WRAP73: variants seen among roughly 807,000 people sequenced by gnomAD.
WRAP73 encodes WD repeat containing, antisense to TP73.
In WRAP73, 55 loss-of-function variants were observed where a neutral mutation model predicts 59.6. That is an observed-to-expected ratio of 0.92 (90% CI 0.74 to 1.15). The LOEUF (loss-of-function observed/expected upper bound fraction) is 1.15. Ranked by LOEUF, WRAP73 falls within the 50% of genes most tolerant of loss-of-function variation. WRAP73 has a pLI of 0.00. For synonymous variants in WRAP73, 265 were observed against 258.2 expected (o/e 1.03, Z -0.25); for missense variants, 592 against 608.1 (o/e 0.97, Z 0.28).
intron 1 of WRAP73, among the ~76,000 whole-genome samples, chr1:3,649,599 G>A (rs1268280689): frequency 6.6e-6 from 1 of 150,484 alleles, no homozygotes; most frequent in Admixed American, 6.6e-5. Context: ...ACCTGCCGGG[G>A]TCCTGCACCT....
intron 4 of WRAP73, 26 bp downstream of exon 4, chr1:3,638,724 C>T (rs1385586258): frequency 6.2e-7 from 1 of 1,613,264 alleles, no homozygotes. Context: ...AAAGAAATGG[C>T]TTTTGCGTGG....
At chr1:3,647,174 T>G in intron 2 of WRAP73, 1 of 499,498 alleles carries the variant, frequency 2.0e-6, no homozygotes, top group Non-Finnish European at 3.5e-6. Context: ...TCCGCGTGGC[T>G]AGATTGCTGT....
chr1:3,638,351 A>G lies in WRAP73; in HGVS notation c.412+399T>C, dbSNP rs1644607637. On this transcript the variant is annotated intron_variant, in intron 4 of 11. Coordinates refer to ENST00000270708, the MANE Select transcript of WRAP73 (RefSeq NM_017818.4). ...GACAGGCAAGACCTCCCCCTTTCGC[A>G]GACATCATATTTAGTCCACAGAAGA... 3.3e-5 allele frequency among the ~76,000 whole-genome samples: 5 copies of G among 152,060 alleles called. No individual in the cohort carries two copies. The South Asian group carries it at 1.0e-3, about 31-fold the overall frequency.
At chr1:3,645,806 C>T (rs1278138533) in intron 3 of WRAP73, among the ~76,000 whole-genome samples, 1 of 152,142 alleles carries the variant, frequency 6.6e-6, no homozygotes, top group East Asian at 1.9e-4. Flanking sequence ...TTCCCCTCCG[C>T]GCTGAGCTCA....
Position 3,649,911 on chromosome 1 carries a change from C to T in WRAP73, c.69+20G>A. On this transcript the variant is annotated intron_variant, in intron 1 of 11. Coordinates refer to ENST00000270708, the MANE Select transcript of WRAP73 (RefSeq NM_017818.4). ...GGCACCGAGGATGTCCTGCCCGTGG[C>T]CCAGGTCCCCGCCGCTCACCAGGTA... 6.3e-7 allele frequency: 1 copy of T among 1,590,220 alleles called. No homozygotes were observed. The highest frequency in any genetic ancestry group is 1.1e-5 in the South Asian group (1 of 87,632).
intron 5 of WRAP73, chr1:3,636,513 C>T (rs920958970): frequency 6.0e-6 from 2 of 333,318 alleles, no homozygotes; most frequent in African/African-American, 4.3e-5. Context: ...CCTTCCAGAG[C>T]ACTGCCTGGA....
intron 8 of WRAP73, 97 bp downstream of exon 8, chr1:3,634,900 A>C: frequency 7.0e-7 from 1 of 1,420,902 alleles, no homozygotes; most frequent in Non-Finnish European, 9.9e-7. Flanking sequence ...TGCCCGGTTA[A>C]ATAATAAACC....
chr1:3,632,480 A>G, intron 9 of WRAP73, 142 bp from the exon 10 acceptor site: 1 of 1,374,374 alleles, frequency 7.3e-7, no homozygotes, highest in Non-Finnish European at 1.0e-6. Flanking sequence ...CAAGGGCAGG[A>G]AGAGCTAAGC....
chr1:3,635,747 G>A, intron 6 of WRAP73, 197 bp downstream of exon 6: 1 of 564,940 alleles, frequency 1.8e-6, no homozygotes, highest in Non-Finnish European at 3.1e-6. Context: ...CTTGAGTCCA[G>A]GAGGTCGAGG....
Position 3,636,986 on chromosome 1 carries a change from A to T in WRAP73, c.516+9T>A. On this transcript the variant is annotated intron_variant, in intron 5 of 11. Transcript: ENST00000270708. The stretch of plus-strand genomic sequence containing the variant: ...GGACAACTTTATTCCAGTCTGGGGG[A>T]CGCCTTACCCGCAGGAGCTGCCAAT... 1.2e-6 allele frequency: 2 copies of T among 1,613,146 alleles called. No individual in the cohort carries two copies. The highest frequency in any genetic ancestry group is 1.7e-6 in the Non-Finnish European group (2 of 1,179,638).
chr1:3,647,571 T>C lies in WRAP73; in HGVS notation c.70-11A>G. On this transcript the variant is annotated splice_polypyrimidine_tract_variant and intron_variant, in intron 1 of 11. Transcript: ENST00000270708. ...CTGGACACAGGAAGCCTAAAAAATA[T>C]GAGAAAGCAAGCACCTGACATTCTC... 4 of 1,610,022 alleles carry C rather than the reference T, an allele frequency of 2.5e-6. No homozygotes were observed. The highest frequency in any genetic ancestry group is 1.1e-5 in the South Asian group (1 of 90,700).
At chr1:3,631,914 A>T in intron 10 of WRAP73, 1 of 1,390,204 alleles carries the variant, frequency 7.2e-7, no homozygotes, top group Non-Finnish European at 9.3e-7. Flanking sequence ...CCCTTTACAA[A>T]TGGAGAAACC....
chr1:3,649,121 C>T (rs1024756323), intron 1 of WRAP73, among the ~76,000 whole-genome samples: 55 of 152,314 alleles, frequency 3.6e-4, no homozygotes, highest in African/African-American at 1.2e-3. Flanking sequence ...TCCCCCTCTT[C>T]TGAGGACATA....
intron 5 of WRAP73, 43 bp downstream of exon 5, chr1:3,636,952 C>A: frequency 6.3e-7 from 1 of 1,583,838 alleles, no homozygotes. Context: ...GATCCCTCCA[C>A]AGTCAGCAGG....
intron 3 of WRAP73, among the ~76,000 whole-genome samples, chr1:3,642,614 G>C (rs1644656508): frequency 6.6e-6 from 1 of 152,034 alleles, no homozygotes; most frequent in Admixed American, 6.5e-5. Flanking sequence ...GCGCATGCCT[G>C]TAATCCCAGC....
At position 3,631,000 on chromosome 1, in the gene WRAP73, C is replaced by T. The variant is rs758148303; in HGVS notation, c.1358G>A (p.Cys453Tyr). 1.3e-4 allele frequency: 202 copies of T among 1,612,746 alleles called. No individual in the cohort carries two copies. The Admixed American group carries it at 3.3e-3, about 26-fold the overall frequency. The part of the protein sequence containing the change: ...LETEAVVGTA[C>Y]RQLGGHT ...CTACGTGTGGCCGCCCAGCTGTCTG[C>T]AGGCTGTGCCGACCACTGCCTCTGT... Residue 453 changes from cysteine to tyrosine, a missense_variant, in exon 12 of 12, where the codon TGC becomes TAC. Cys to Tyr is a radical substitution (Grantham distance 194). Coordinates refer to ENST00000270708, the MANE Select transcript of WRAP73 (RefSeq NM_017818.4).
intron 9 of WRAP73, 22 bp from the exon 10 acceptor site, chr1:3,632,360 C>T (rs770988164): frequency 1.2e-6 from 2 of 1,614,038 alleles, no homozygotes; most frequent in South Asian, 2.2e-5. Flanking sequence ...ACAGGAAGAA[C>T]ACGCCATTGT....
Position 3,646,593 on chromosome 1 carries a change from G to T in WRAP73, c.339+73C>A. On this transcript the variant is annotated intron_variant, in intron 3 of 11. Coordinates refer to ENST00000270708, the MANE Select transcript of WRAP73 (RefSeq NM_017818.4). This position sits in a 1 kb window ranked among gnomAD's most constrained non-coding sequence, Gnocchi z 5.1. ...GCATACTCCAAACACACCCCCTCTC[G>T]CACTCCCCAGCTGTTTCGAGAGCAG... 1 of 1,286,372 alleles carries T rather than the reference G, an allele frequency of 7.8e-7. No homozygotes were observed. Among genetic ancestry groups the T allele is most frequent in the Non-Finnish European group, 1.1e-6 (1 of 920,252 alleles). 79.7% of individuals were successfully genotyped at this position (1,286,372 alleles called of 1,614,324 possible).
Position 3,646,767 on chromosome 1 carries a change from G to A in WRAP73, c.238C>T (p.Gln80Ter), listed in dbSNP as rs770833928. The change falls in exon 3 of 12, where the codon CAG becomes TAG. Residue 80 changes from glutamine to a stop codon, truncating the protein, a stop_gained. Transcript: ENST00000270708. LOFTEE classifies it high-confidence loss of function. The surrounding 1 kb of genome is among the most constrained non-coding windows in gnomAD (Gnocchi z 5.1). ...TCTATTTTGCAGTGCCATTCGGGCT[G>A]CTCTAAAGACCAGACCTGGATTGAG... ...RGLVQVWSLE[Q>*]PEWHCKIDEG... 6 of 1,612,166 alleles carry A rather than the reference G, an allele frequency of 3.7e-6. No homozygotes were observed. The highest frequency in any genetic ancestry group is 5.1e-6 in the Non-Finnish European group (6 of 1,179,256).
Sources: allele counts gnomAD v4.1 joint callset (sites outside exome capture counted in the v4.1 genomes callset), GRCh38; gene constraint gnomAD v4.1.1; non-coding constraint Gnocchi (gnomAD v3.1); transcripts MANE v1.5; gene names NCBI Gene and HGNC (gene_info 2026-07-23, HGNC 2026-07-21).